PKP2: variants seen among roughly 807,000 people sequenced by gnomAD.
PKP2 encodes the protein plakophilin-2.
In PKP2, 73 loss-of-function variants were observed where a neutral mutation model predicts 83.4. The ratio of observed to expected loss-of-function variants is 0.88; its 90% CI spans 0.72 to 1.06. PKP2 has a LOEUF of 1.06. Ranked by LOEUF, PKP2 falls within the 50% of genes least tolerant of loss-of-function variation. PKP2 has a pLI of 0.00. For synonymous variants in PKP2, 409 were observed against 430.4 expected (o/e 0.95, Z 0.62); for missense variants, 966 against 1,065.4 (o/e 0.91, Z 1.30).
intron 4 of PKP2, among the ~76,000 whole-genome samples, chr12:32,862,205 A>G (rs530796652): frequency 2.0e-5 from 3 of 152,300 alleles, no homozygotes; most frequent in African/African-American, 7.2e-5. Context: ...GCCAACTTTC[A>G]GTACTAATAT....
At chr12:32,797,043 A>G (rs1956132358) in intron 10 of PKP2, among the ~76,000 whole-genome samples, 1 of 152,180 alleles carries the variant, frequency 6.6e-6, no homozygotes, top group Non-Finnish European at 1.5e-5. Flanking sequence ...ACCTGCAAAG[A>G]CTATTATTCA....
chr12:32,796,253 A>G lies in PKP2; in HGVS notation c.2213T>C (p.Val738Ala), dbSNP rs1555141066. Residue 738 changes from valine (V) to alanine (A), a missense_variant, in exon 11 of 13, where the codon GTC (valine) becomes GCC (alanine). Val to Ala is a moderately conservative substitution (Grantham distance 64). Coordinates refer to ENST00000340811, the MANE Select transcript of PKP2 (RefSeq NM_001005242.3). ...TTCAATGAGAAGGTCAGTACTCGGG[A>G]CTGTGTCAGGAATGATGGAAACCAA... Reference protein sequence around the residue: ...PDLVSIIPDTVPSTDLLIETT... With the variant: ...PDLVSIIPDTAPSTDLLIETT... The G allele has an allele frequency of 3.7e-6, 6 of 1,613,818 alleles. No individual in the cohort carries two copies. The highest frequency in any genetic ancestry group is 1.1e-5 in the South Asian group (1 of 91,066).
chr12:32,875,529 T>G (rs1592762106), intron 3 of PKP2, among the ~76,000 whole-genome samples: 2 of 152,262 alleles, frequency 1.3e-5, no homozygotes, highest in South Asian at 2.1e-4. Context: ...ATGGGGCTTG[T>G]AGGTCATGCC....
At chr12:32,860,868 A>G (rs1161766333) in intron 4 of PKP2, among the ~76,000 whole-genome samples, 1 of 152,072 alleles carries the variant, frequency 6.6e-6, no homozygotes, top group African/African-American at 2.4e-5. Flanking sequence ...TCTCTACTAA[A>G]AATACAAAAA....
chr12:32,863,126 C>T lies in PKP2; in HGVS notation c.1170+5801G>A, dbSNP rs1238592637. On this transcript the variant is annotated intron_variant, in intron 4 of 12. Transcript: ENST00000340811. ...TACGACTGGAAAGCAGTCTGTAGTCCGAGGCCATTTTTGCTGGCTATAAGT... is the reference window on the plus strand; with the variant it reads ...TACGACTGGAAAGCAGTCTGTAGTCTGAGGCCATTTTTGCTGGCTATAAGT... The T allele has an allele frequency of 1.8e-5, 3 of 164,126 alleles. No individual in the cohort carries two copies. In the East Asian group the frequency reaches 5.5e-4, roughly 30 times the overall value. The allele number at this position is 164,126 out of a possible 1,614,324, so 10.2% of individuals were successfully genotyped here.
chr12:32,831,230 C>G (rs973971901), intron 6 of PKP2, among the ~76,000 whole-genome samples: 11 of 152,154 alleles, frequency 7.2e-5, no homozygotes, highest in Non-Finnish European at 1.2e-4. Flanking sequence ...GATGCTCAAT[C>G]CATACCTCCA....
At chr12:32,847,488 CAGG>C (rs1237129777) in intron 5 of PKP2, among the ~76,000 whole-genome samples, 4 of 152,192 alleles carry the variant, frequency 2.6e-5, no homozygotes, top group African/African-American at 2.4e-5. Flanking sequence ...ATTGCCTATG[CAGG>C]AGAAGAGGAA....
At chr12:32,832,969 G>T (rs1482556611) in intron 6 of PKP2, among the ~76,000 whole-genome samples, 1 of 152,222 alleles carries the variant, frequency 6.6e-6, no homozygotes, top group African/African-American at 2.4e-5. Context: ...ATACAGGCCA[G>T]GCACGCTGGC....
chr12:32,895,844 A>G (rs545319370), intron 1 of PKP2, among the ~76,000 whole-genome samples: 2 of 152,332 alleles, frequency 1.3e-5, no homozygotes, highest in African/African-American at 4.8e-5. Flanking sequence ...AAGCGCAGCT[A>G]GGCGGGCACG....
At chr12:32,842,826 C>A (rs1333683801) in intron 5 of PKP2, among the ~76,000 whole-genome samples, 1 of 151,978 alleles carries the variant, frequency 6.6e-6, no homozygotes, top group Non-Finnish European at 1.5e-5. Context: ...AGGCACACAC[C>A]ACCATGCCTG....
In PKP2 at chr12:32,790,959, T is replaced by C. The variant is rs1358417201; in HGVS notation, c.*1465A>G. 6.6e-6 allele frequency: 1 copy of C among 152,230 alleles called. No homozygotes were observed. Among genetic ancestry groups the C allele is most frequent in the East Asian group, 1.9e-4 (1 of 5,196 alleles). 9.4% of individuals were successfully genotyped at this position (152,230 alleles called of 1,614,324 possible). On this transcript the variant is annotated 3_prime_UTR_variant, in exon 13 of 13. Coordinates refer to ENST00000340811, the MANE Select transcript of PKP2 (RefSeq NM_001005242.3). ...TGAACTAGGTTAGCAACCTAAGTTGTCTTCATTCAGCTTTTAAAATTGAAA... is the reference window on the plus strand; with the variant it reads ...TGAACTAGGTTAGCAACCTAAGTTGCCTTCATTCAGCTTTTAAAATTGAAA...
intron 6 of PKP2, among the ~76,000 whole-genome samples, chr12:32,831,597 CTT>C (rs1434101204): frequency 6.6e-6 from 1 of 152,164 alleles, no homozygotes; most frequent in Non-Finnish European, 1.5e-5. Flanking sequence ...AAAAATTAAT[CTT>C]TTGTTTCCTT....
chr12:32,806,797 A>C (rs895057296), intron 9 of PKP2, among the ~76,000 whole-genome samples: 2 of 151,796 alleles, frequency 1.3e-5, no homozygotes, highest in African/African-American at 4.8e-5. Flanking sequence ...TTGTGATGTT[A>C]GGTTGATACC....
At chr12:32,858,608 T>C (rs910247164) in intron 4 of PKP2, among the ~76,000 whole-genome samples, 4 of 152,114 alleles carry the variant, frequency 2.6e-5, no homozygotes, top group African/African-American at 4.8e-5. Flanking sequence ...AAATATTTAG[T>C]TTGATCTCAT....
In PKP2 at chr12:32,877,900, C is replaced by A. The variant is rs759660796; in HGVS notation, c.980G>T (p.Gly327Val). The change falls in exon 3 of 13, where the codon GGG becomes GTG. Residue 327 changes from glycine (G) to valine (V), a missense_variant. By Grantham distance (109) the Gly-to-Val change is moderately radical. Coordinates refer to ENST00000340811, the MANE Select transcript of PKP2 (RefSeq NM_001005242.3). ...AHLTVGQAAA[G>V]GSGNLLTERS... ...CTCAGTGAGCAGATTCCCACTTCCC[C>A]CTGCGGCCGCCTGGCCGACAGTCAA... 111 of 1,614,048 alleles carry A rather than the reference C, an allele frequency of 6.9e-5. No individual in the cohort carries two copies. Among genetic ancestry groups the A allele is most frequent in the Non-Finnish European group, 8.8e-5 (104 of 1,180,024 alleles).
Position 32,880,974 on chromosome 12 carries a change from G to A in PKP2, c.224-1942C>T, listed in dbSNP as rs1591830181. Among the ~76,000 whole-genome samples, 5 of 152,274 alleles carry A rather than the reference G, an allele frequency of 3.3e-5. 1 individual carries two copies. The highest frequency in any genetic ancestry group is 3.3e-4 in the Admixed American group (5 of 15,284). Reference sequence around the variant, plus strand: ...TAGGCTTCAGAGACTCATGAAAGATGTTGAGAATACAACAACACAGGGTGC... The same window carrying A: ...TAGGCTTCAGAGACTCATGAAAGATATTGAGAATACAACAACACAGGGTGC... On this transcript the variant is annotated intron_variant, in intron 1 of 12. Coordinates refer to ENST00000340811, the MANE Select transcript of PKP2 (RefSeq NM_001005242.3).
chr12:32,802,274 C>T (rs529150579), intron 10 of PKP2, 129 bp downstream of exon 10: 6 of 916,974 alleles, frequency 6.5e-6, no homozygotes, highest in South Asian at 4.0e-5. Flanking sequence ...AAAGGCAGGC[C>T]GGTTTATCAC....
intron 9 of PKP2, among the ~76,000 whole-genome samples, chr12:32,813,817 A>G (rs2137753618): frequency 6.6e-6 from 1 of 152,188 alleles, no homozygotes; most frequent in African/African-American, 2.4e-5. Context: ...GAAAACATGT[A>G]ATTGTTAGAT....
At chr12:32,858,115 A>G (rs1246457440) in intron 4 of PKP2, among the ~76,000 whole-genome samples, 17 of 94,486 alleles carry the variant, frequency 1.8e-4, no homozygotes, top group African/African-American at 6.4e-4. Flanking sequence ...ATATATATAT[A>G]TTTATATATA....
Sources: gnomAD v4.1 joint callset for allele counts (sites outside exome capture counted in the v4.1 genomes callset) on GRCh38, gnomAD v4.1.1 for gene constraint, MANE v1.5 for transcripts, NCBI Gene and HGNC (gene_info 2026-07-23, HGNC 2026-07-21) for gene names.